Variants in AURKC observed in about 807,000 individuals in gnomAD.
The protein encoded by AURKC is aurora kinase C, also known as ARK-3.
A neutral mutation model predicts 29.2 loss-of-function variants in AURKC; 15 were observed. That is an observed-to-expected ratio of 0.51 (90% confidence interval 0.34 to 0.79). The LOEUF (loss-of-function observed/expected upper bound fraction) is 0.79. Ranked by LOEUF, AURKC falls within the 30% of genes least tolerant of loss-of-function variation. The probability of loss-of-function intolerance (pLI) is 0.01; values close to 1 mark genes in which losing one functional copy is unlikely to be tolerated. For missense variants in AURKC, 332 were observed against 383.2 expected, an observed-to-expected ratio of 0.87 and a Z score of 1.12; for synonymous variants, 150 against 149.9, an observed-to-expected ratio of 1.00 and a Z score of -0.01.
At position 57,234,871 on chromosome 19, in the gene AURKC, T is replaced by C; in HGVS notation, c.585-13T>C. On this transcript the variant is annotated splice_polypyrimidine_tract_variant and intron_variant, in intron 5 of 6. Coordinates refer to ENST00000302804, the MANE Select transcript of AURKC (RefSeq NM_001015878.2). ...TCTGCTTAGTACTTATTCCCTTTTC[T>C]GCCTTCCTCTAGGAGGAAGACAATG... 6.2e-7 allele frequency: 1 copy of C among 1,614,204 alleles called. No individual in the cohort carries two copies.
rs1373044469 is a variant in AURKC at position 57,234,978 on chromosome 19, G to A, written c.679G>A (p.Val227Met). Reference protein sequence around the residue: ...DEKVDLWCIGVLCYELLVGYP... With the variant: ...DEKVDLWCIGMLCYELLVGYP... ...AAAGGTGGATTTGTGGTGCATTGGA[G>A]TGCTCTGCTATGAGCTGCTGGTGGG... is the stretch of plus-strand genomic sequence containing the variant. Residue 227 changes from valine to methionine, a missense_variant, in exon 6 of 7, where the codon GTG becomes ATG. By Grantham distance (21) the Val-to-Met change is conservative (BLOSUM62 1). Coordinates refer to ENST00000302804, the MANE Select transcript of AURKC (RefSeq NM_001015878.2). 2 of 1,614,200 alleles carry A rather than the reference G, an allele frequency of 1.2e-6. No homozygotes were observed. Among genetic ancestry groups the A allele is most frequent in the East Asian group, 2.2e-5 (1 of 44,884 alleles).
rs1217444948 is a variant in AURKC at position 57,232,095 on chromosome 19, A to ATGTGTACCTGGCTCGGCTG, written c.185_186insGTGTGTACCTGGCTCGGCT (p.Lys63CysfsTer37). On this transcript the variant is annotated frameshift_variant, in exon 3 of 7. Transcript: ENST00000302804. LOFTEE classifies it high-confidence loss of function. The surrounding 1 kb of genome is among the most constrained non-coding windows in gnomAD (Gnocchi z 4.5). ...CCCCTGGGCAAGGGGAAATTTGGGA[A>ATGTGTACCTGGCTCGGCTG]TGTGTACCTGGCTCGGCTCAAGGAA... 3 of 1,614,078 alleles carry ATGTGTACCTGGCTCGGCTG rather than the reference A, an allele frequency of 1.9e-6. No individual in the cohort carries two copies. The highest frequency in any genetic ancestry group is 2.5e-6 in the Non-Finnish European group (3 of 1,180,000).
chr19:57,231,627 C>G lies in AURKC; in HGVS notation c.59-115C>G, dbSNP rs986361612. On this transcript the variant is annotated intron_variant, in intron 1 of 6. Coordinates refer to ENST00000302804, the MANE Select transcript of AURKC (RefSeq NM_001015878.2). ...CCTCTCTTTCTCTCCTCCCCTTCTT[C>G]CCCTCACCTCTCGCTCCCTATTCCC... 3 of 1,079,776 alleles carry G rather than the reference C, an allele frequency of 2.8e-6. No individual in the cohort carries two copies. The African/African-American group carries it at 4.8e-5, about 17-fold the overall frequency. The allele number at this position is 1,079,776 out of a possible 1,614,324, so 66.9% of individuals were successfully genotyped here.
chr19:57,231,756 C>G lies in AURKC; in HGVS notation c.73C>G (p.Gln25Glu). 6.2e-7 allele frequency: 1 copy of G among 1,613,914 alleles called. No individual in the cohort carries two copies. Among genetic ancestry groups the G allele is most frequent in the Admixed American group, 1.7e-5 (1 of 59,964 alleles). Reference sequence around the variant, plus strand: ...CTCTCTTTCAGTGGCTACAGCAAACCAAACAGCCCAGCAGCCCAGCAGCCC... The same window carrying G: ...CTCTCTTTCAGTGGCTACAGCAAACGAAACAGCCCAGCAGCCCAGCAGCCC... The part of the protein sequence containing the change: ...PAGEELATAN[Q>E]TAQQPSSPAM... Residue 25 changes from glutamine (Q) to glutamate (E), a missense_variant, in exon 2 of 7, where the codon CAA becomes GAA. By Grantham distance (29) the Gln-to-Glu change is conservative. Transcript: ENST00000302804.
rs142351971 is a variant in AURKC, at chr19:57,232,150, C to G, written c.222C>G (p.Leu74=). Residue 74 remains leucine, a synonymous_variant, in exon 3 of 7, where the codon CTC becomes CTG. Transcript: ENST00000302804. The surrounding 1 kb of genome is among the most constrained non-coding windows in gnomAD (Gnocchi z 4.5). ...ATTTCATTGTGGCCCTGAAGGTTCT[C>G]TTCAAGTCGCAGATAGAGAAGGAAG... ...ESHFIVALKV[L]FKSQIEKEGL... 6.2e-7 allele frequency: 1 copy of G among 1,614,042 alleles called. No homozygotes were observed. Among genetic ancestry groups the G allele is most frequent in the Non-Finnish European group, 8.5e-7 (1 of 1,180,042 alleles).
Position 57,232,761 on chromosome 19 carries a change from G to A in AURKC, c.435+81G>A, listed in dbSNP as rs1255406437. 6.4e-7 allele frequency: 1 copy of A among 1,573,270 alleles called. No homozygotes were observed. The highest frequency in any genetic ancestry group is 8.7e-7 in the Non-Finnish European group (1 of 1,147,710). On this transcript the variant is annotated intron_variant, in intron 4 of 6. Coordinates refer to ENST00000302804, the MANE Select transcript of AURKC (RefSeq NM_001015878.2). This position sits in a 1 kb window ranked among gnomAD's most constrained non-coding sequence, Gnocchi z 4.5. ...AGCTCTGTTTGTGGCTGTCAGGAGG[G>A]TCCGCATTGCCTTCTGAGAAGTTTA...
chr19:57,231,967 A>G (rs1260552231), intron 2 of AURKC, 66 bp from the exon 3 acceptor site: 7 of 1,606,720 alleles, frequency 4.4e-6, no homozygotes, highest in Non-Finnish European at 6.0e-6. Context: ...GAGCATTGGC[A>G]TCCCTGACTT....
chr19:57,233,894 G>A (rs949036155), intron 5 of AURKC, among the ~76,000 whole-genome samples: 3 of 151,680 alleles, frequency 2.0e-5, no homozygotes, highest in Admixed American at 6.6e-5. Flanking sequence ...ACCACACTCG[G>A]CTAATTTTTG....
rs1199262558 is a variant in AURKC, at chr19:57,233,537, C to T, written c.513C>T (p.Asn171=). 4 of 1,614,024 alleles carry T rather than the reference C, an allele frequency of 2.5e-6. No individual in the cohort carries two copies. The highest frequency in any genetic ancestry group is 3.4e-6 in the Non-Finnish European group (4 of 1,180,044). ...KVIHRDIKPE[N]LLLGFRGEVK... ...TTCACAGAGATATTAAGCCAGAGAACCTGCTGCTGGGGTTCAGGGGTGAGG... is the reference window on the plus strand; with the variant it reads ...TTCACAGAGATATTAAGCCAGAGAATCTGCTGCTGGGGTTCAGGGGTGAGG... The change falls in exon 5 of 7, where the codon AAC becomes AAT. Residue 171 remains asparagine, a synonymous_variant. Transcript: ENST00000302804.
At chr19:57,231,672 C>T (rs2087492045) in intron 1 of AURKC, 70 bp from the exon 2 acceptor site, 2 of 1,576,740 alleles carry the variant, frequency 1.3e-6, no homozygotes, top group South Asian at 1.1e-5. Context: ...GTTCTCCTCT[C>T]CTCTCTTTCT....
chr19:57,234,854 G>A (rs1177383389), intron 5 of AURKC, 30 bp from the exon 6 acceptor site: 2 of 1,613,876 alleles, frequency 1.2e-6, no homozygotes, highest in Admixed American at 3.3e-5. Context: ...CCTCTGCTTA[G>A]TACTTATTCC....
intron 5 of AURKC, 32 bp from the exon 6 acceptor site, chr19:57,234,850 CTT>C (rs1568484944): frequency 6.2e-7 from 1 of 1,613,488 alleles, no homozygotes; most frequent in African/African-American, 1.3e-5. Context: ...TGGGCCTCTG[CTT>C]AGTACTTATT....
rs2087483555 is a variant in AURKC, at chr19:57,231,149, C to CG, written c.-100_-99insG. 2.0e-6 allele frequency: 3 copies of CG among 1,486,566 alleles called. No homozygotes were observed. The highest frequency in any genetic ancestry group is 2.7e-6 in the Non-Finnish European group (3 of 1,093,594). 92.1% of individuals were successfully genotyped at this position (1,486,566 alleles called of 1,614,324 possible). Reference sequence around the variant, plus strand: ...CAGGACGAGCAGGATTGGAAGCGCCCCGGCCAGAAAGTGACCCCCCACCCC... The same window carrying CG: ...CAGGACGAGCAGGATTGGAAGCGCCCGCGGCCAGAAAGTGACCCCCCACCCC... On this transcript the variant is annotated 5_prime_UTR_variant, in exon 1 of 7. Coordinates refer to ENST00000302804, the MANE Select transcript of AURKC (RefSeq NM_001015878.2).
At position 57,232,137 on chromosome 19, in the gene AURKC, C is replaced by T; in HGVS notation, c.209C>T (p.Ala70Val). 1 of 1,614,050 alleles carries T rather than the reference C, an allele frequency of 6.2e-7. No homozygotes were observed. The highest frequency in any genetic ancestry group is 8.5e-7 in the Non-Finnish European group (1 of 1,180,014). ...CTCAAGGAAAGCCATTTCATTGTGG[C>T]CCTGAAGGTTCTCTTCAAGTCGCAG... The part of the protein sequence containing the change: ...ARLKESHFIV[A>V]LKVLFKSQIE... Residue 70 changes from alanine (A) to valine (V), a missense_variant, in exon 3 of 7, where the codon GCC becomes GTC. By Grantham distance (64) the Ala-to-Val change is moderately conservative. Coordinates refer to ENST00000302804, the MANE Select transcript of AURKC (RefSeq NM_001015878.2). The surrounding 1 kb of genome is among the most constrained non-coding windows in gnomAD (Gnocchi z 4.5).
chr19:57,232,057 T>G lies in AURKC; in HGVS notation c.129T>G (p.Phe43Leu), dbSNP rs749836915. ...PAMRRLTVDD[F>L]EIGRPLGKGK... ...GGCGGCGCCTCACAGTCGATGACTT[T>G]GAAATCGGGCGTCCCCTGGGCAAGG... Residue 43 changes from phenylalanine (F) to leucine (L), a missense_variant, in exon 3 of 7, where the codon TTT becomes TTG. Coordinates refer to ENST00000302804, the MANE Select transcript of AURKC (RefSeq NM_001015878.2). The surrounding 1 kb of genome is among the most constrained non-coding windows in gnomAD (Gnocchi z 4.5). 7.4e-6 allele frequency: 12 copies of G among 1,614,032 alleles called. No individual in the cohort carries two copies. The highest frequency in any genetic ancestry group is 2.7e-5 in the African/African-American group (2 of 74,904).
chr19:57,231,532 C>T lies in AURKC; in HGVS notation c.59-210C>T, dbSNP rs2087489760. 9.5e-6 allele frequency: 7 copies of T among 739,070 alleles called. No homozygotes were observed. In the South Asian group the frequency reaches 1.2e-4, roughly 13 times the overall value. 45.8% of individuals were successfully genotyped at this position (739,070 alleles called of 1,614,324 possible). A position where few individuals can be genotyped will look rare whatever the true frequency, so the allele number is the denominator to read the frequency against. On this transcript the variant is annotated intron_variant, in intron 1 of 6. Transcript: ENST00000302804. The stretch of plus-strand genomic sequence containing the variant: ...CTGCCTCTTCTTCACCTCCTCCTCC[C>T]CTCCCTACCTTACCTTACTCTTTCT...
In AURKC at chr19:57,232,108, T is replaced by C; in HGVS notation, c.180T>C (p.Ala60=). 1 of 1,614,098 alleles carries C rather than the reference T, an allele frequency of 6.2e-7. No individual in the cohort carries two copies. Among genetic ancestry groups the C allele is most frequent in the Non-Finnish European group, 8.5e-7 (1 of 1,180,020 alleles). ...GKGKFGNVYL[A]RLKESHFIVA... ...GGAAATTTGGGAATGTGTACCTGGC[T>C]CGGCTCAAGGAAAGCCATTTCATTG... Residue 60 remains alanine, a synonymous_variant, in exon 3 of 7, where the codon GCT becomes GCC. Coordinates refer to ENST00000302804, the MANE Select transcript of AURKC (RefSeq NM_001015878.2). The surrounding 1 kb of genome is among the most constrained non-coding windows in gnomAD (Gnocchi z 4.5).
intron 1 of AURKC, 70 bp downstream of exon 1, chr19:57,231,376 G>A: frequency 6.6e-7 from 1 of 1,518,952 alleles, no homozygotes; most frequent in Non-Finnish European, 8.9e-7. Context: ...GTGCACAGAA[G>A]ACACATGTGT....
At chr19:57,233,800 T>G (rs1418941427) in intron 5 of AURKC, among the ~76,000 whole-genome samples, 192 bp downstream of exon 5, 1 of 151,680 alleles carries the variant, frequency 6.6e-6, no homozygotes, top group Non-Finnish European at 1.5e-5. Context: ...CAGGCTGGAG[T>G]GCAGGGGCAC....
Sources: allele counts gnomAD v4.1 joint callset (sites outside exome capture counted in the v4.1 genomes callset), GRCh38; gene constraint gnomAD v4.1.1; non-coding constraint Gnocchi (gnomAD v3.1); transcripts MANE v1.5; gene names NCBI Gene and HGNC (gene_info 2026-07-23, HGNC 2026-07-21).